The following MGAT4C variants were observed in gnomAD, a reference collection of about 807,000 sequenced individuals.
MGAT4C encodes the protein alpha-1,3-mannosyl-glycoprotein 4-beta-N-acetylglucosaminyltransferase C.
In MGAT4C, 19 loss-of-function variants were observed where a neutral mutation model predicts 40.1. The observed-to-expected ratio is 0.47, with a 90% CI of 0.33 to 0.70. The LOEUF (loss-of-function observed/expected upper bound fraction) is 0.70. Ranked by LOEUF, MGAT4C falls within the 30% of genes least tolerant of loss-of-function variation. The pLI, the probability that MGAT4C is intolerant of heterozygous loss-of-function variation, is 0.02. For missense variants in MGAT4C, 491 were observed against 563.2 expected (o/e 0.87, Z 1.30); for synonymous variants, 181 against 187.1 (o/e 0.97, Z 0.27).
At chr12:86,079,920 T>C (rs1347442997) in intron 1 of MGAT4C, among the ~76,000 whole-genome samples, 2 of 152,052 alleles carry the variant, frequency 1.3e-5, no homozygotes. Context: ...TTGAAATGAT[T>C]AACTCATTTA....
At chr12:86,319,143 A>G (rs2136159414) in intron 4 of MGAT4C, among the ~76,000 whole-genome samples, 1 of 152,280 alleles carries the variant, frequency 6.6e-6, no homozygotes, top group East Asian at 1.9e-4. Context: ...CTCCTACTGA[A>G]GCCCATAATC....
intron 2 of MGAT4C, among the ~76,000 whole-genome samples, chr12:86,644,389 T>C (rs558920394): frequency 6.7e-6 from 1 of 150,344 alleles, no homozygotes; most frequent in East Asian, 1.9e-4. Flanking sequence ...ATGAAAACTA[T>C]GTATTATTGC....
intron 2 of MGAT4C, among the ~76,000 whole-genome samples, chr12:86,446,065 G>C (rs1163420546): frequency 3.3e-5 from 5 of 152,010 alleles, no homozygotes. Context: ...TTATATGTAT[G>C]TGTGTGTCTG....
intron 2 of MGAT4C, among the ~76,000 whole-genome samples, chr12:86,546,408 A>G (rs2136391220): frequency 6.6e-6 from 1 of 151,870 alleles, no homozygotes; most frequent in East Asian, 1.9e-4. Context: ...CAGTTTTTCT[A>G]TTGCATCTCT....
At chr12:86,497,991 A>ATATAT (rs1157359494) in intron 2 of MGAT4C, among the ~76,000 whole-genome samples, 141 of 145,374 alleles carry the variant, frequency 9.7e-4, no homozygotes, top group Non-Finnish European at 1.8e-3. Context: ...TATAATCTTT[A>ATATAT]TATATTATAT....
At chr12:86,110,519 C>T (rs375851901) in intron 1 of MGAT4C, among the ~76,000 whole-genome samples, 32 of 149,916 alleles carry the variant, frequency 2.1e-4, no homozygotes, top group South Asian at 1.3e-3. Flanking sequence ...GTTTTCTAAA[C>T]GCATATTAAG....
intron 1 of MGAT4C, among the ~76,000 whole-genome samples, chr12:86,754,943 T>G (rs1430493650): frequency 1.3e-5 from 2 of 152,110 alleles, no homozygotes; most frequent in African/African-American, 4.8e-5. Context: ...TAATTCATGG[T>G]GAGTCTCTCA....
intron 1 of MGAT4C, among the ~76,000 whole-genome samples, chr12:86,767,392 A>G (rs1951532389): frequency 6.6e-6 from 1 of 152,226 alleles, no homozygotes; most frequent in African/African-American, 2.4e-5. Flanking sequence ...AACCAAAAAG[A>G]GTCCAGGACC....
intron 2 of MGAT4C, among the ~76,000 whole-genome samples, chr12:86,493,119 A>C (rs1229970196): frequency 6.6e-6 from 1 of 150,928 alleles, no homozygotes; most frequent in East Asian, 1.9e-4. Flanking sequence ...ACAAGTTAGA[A>C]TGGCGATCAT....
At chr12:86,286,227 G>C (rs1351554166) in intron 4 of MGAT4C, among the ~76,000 whole-genome samples, 1 of 152,048 alleles carries the variant, frequency 6.6e-6, no homozygotes, top group Non-Finnish European at 1.5e-5. Flanking sequence ...ACATTAAAAT[G>C]CTAGCCTAGC....
intron 2 of MGAT4C, among the ~76,000 whole-genome samples, chr12:86,538,731 C>T (rs1015074603): frequency 4.0e-5 from 6 of 151,776 alleles, no homozygotes; most frequent in African/African-American, 7.3e-5. Context: ...CCTCAGCCTC[C>T]GGAGTAGCTG....
intron 2 of MGAT4C, among the ~76,000 whole-genome samples, chr12:86,648,210 T>C (rs940280320): frequency 6.6e-6 from 1 of 151,916 alleles, no homozygotes; most frequent in Non-Finnish European, 1.5e-5. Flanking sequence ...CCATAAGTTA[T>C]TGTGGAGAAA....
At chr12:86,139,073 G>A (rs1193741900) in intron 1 of MGAT4C, among the ~76,000 whole-genome samples, 1 of 151,970 alleles carries the variant, frequency 6.6e-6, no homozygotes, top group Admixed American at 6.6e-5. Context: ...TCACCCTAGA[G>A]TAATTAACTA....
intron 2 of MGAT4C, among the ~76,000 whole-genome samples, chr12:86,508,040 G>A (rs1958502357): frequency 1.3e-5 from 2 of 151,742 alleles, no homozygotes; most frequent in South Asian, 4.2e-4. Flanking sequence ...TTCCATTTAT[G>A]TGTGTCTTTA....
chr12:86,749,293 T>C (rs1381043943), intron 1 of MGAT4C, among the ~76,000 whole-genome samples: 1 of 151,748 alleles, frequency 6.6e-6, no homozygotes, highest in Non-Finnish European at 1.5e-5. Context: ...ATGCAACCTC[T>C]TGAGTACTTC....
intron 1 of MGAT4C, among the ~76,000 whole-genome samples, chr12:86,736,807 T>A (rs1349031342): frequency 6.6e-6 from 1 of 151,802 alleles, no homozygotes; most frequent in Non-Finnish European, 1.5e-5. Flanking sequence ...ACATCCATTT[T>A]CCCACATTTA....
chr12:86,409,927 G>T (rs376822141), intron 3 of MGAT4C, among the ~76,000 whole-genome samples: 1 of 152,220 alleles, frequency 6.6e-6, no homozygotes, highest in East Asian at 1.9e-4. Context: ...GCCTCCAGGG[G>T]TGACATCTCA....
At chr12:86,624,283 A>C (rs1962730751) in intron 2 of MGAT4C, among the ~76,000 whole-genome samples, 1 of 152,140 alleles carries the variant, frequency 6.6e-6, no homozygotes, top group African/African-American at 2.4e-5. Context: ...TGACACATAC[A>C]GGGAGCATTG....
intron 1 of MGAT4C, among the ~76,000 whole-genome samples, chr12:86,197,055 C>A (rs1415978719): frequency 6.6e-6 from 1 of 152,196 alleles, no homozygotes; most frequent in Non-Finnish European, 1.5e-5. Flanking sequence ...CAACACTGTG[C>A]TTCTACATCT....
Sources: allele counts gnomAD v4.1 joint callset (sites outside exome capture counted in the v4.1 genomes callset), GRCh38; gene constraint gnomAD v4.1.1; transcripts MANE v1.5; gene names NCBI Gene and HGNC (gene_info 2026-07-23, HGNC 2026-07-21).